Variants in CCNT2 observed in about 807,000 individuals in gnomAD.
CCNT2 encodes cyclin T2, also known as cyclin-T2.
CCNT2 carries 18 observed loss-of-function variants against 70.0 expected under a neutral mutation model. That is an observed-to-expected ratio of 0.26 (90% CI 0.18 to 0.38). The LOEUF (loss-of-function observed/expected upper bound fraction) is 0.38. Among genes scored for constraint, CCNT2 ranks in the 10% least tolerant of loss-of-function variants. The probability of loss-of-function intolerance (pLI) is 1.00; values close to 1 mark genes in which losing one functional copy is unlikely to be tolerated. For synonymous variants in CCNT2, 334 were observed against 313.3 expected, an observed-to-expected ratio of 1.07 and a Z score of -0.70; for missense variants, 734 against 890.2, an observed-to-expected ratio of 0.82 and a Z score of 2.23.
chr2:134,958,589 T>A lies in CCNT2; in HGVS notation c.*3941T>A, dbSNP rs1417753031. The A allele has an allele frequency of 6.6e-6, 1 of 152,254 alleles. No individual in the cohort carries two copies. Among genetic ancestry groups the A allele is most frequent in the African/African-American group, 2.4e-5 (1 of 41,470 alleles). 9.4% of individuals were successfully genotyped at this position (152,254 alleles called of 1,614,324 possible). A position where few individuals can be genotyped will look rare whatever the true frequency, so the allele number is the denominator to read the frequency against. On this transcript the variant is annotated 3_prime_UTR_variant, in exon 9 of 9. Coordinates refer to ENST00000264157, the MANE Select transcript of CCNT2 (RefSeq NM_058241.3). ...TGATACTAATTTGAGAATCACATTC[T>A]GATACGTTAATATCAGAAATCAGTG...
rs570939685 is a variant in CCNT2, at chr2:134,953,586, C to T, written c.1131C>T (p.Tyr377=). 6.2e-7 allele frequency: 1 copy of T among 1,614,038 alleles called. No individual in the cohort carries two copies. The highest frequency in any genetic ancestry group is 1.1e-5 in the South Asian group (1 of 91,082). Residue 377 remains tyrosine (Y), a synonymous_variant, in exon 9 of 9, where the codon TAC becomes TAT. Transcript: ENST00000264157. The part of the protein sequence containing the change: ...KQETSLSGSQ[Y]NINFQQGPSI... ...AGACATCTTTGTCTGGTAGCCAGTA[C>T]AACATCAACTTCCAGCAGGGACCTT... is the stretch of plus-strand genomic sequence containing the variant.
intron 2 of CCNT2, among the ~76,000 whole-genome samples, chr2:134,928,313 TTGTTG>T (rs1680459360): frequency 2.0e-5 from 3 of 146,938 alleles, no homozygotes; most frequent in Non-Finnish European, 4.5e-5. Context: ...AGTTTCATTC[TTGTTG>T]CCCAGGCTGG....
intron 1 of CCNT2, 107 bp downstream of exon 1, chr2:134,919,119 C>T: frequency 7.9e-7 from 1 of 1,265,936 alleles, no homozygotes; most frequent in Non-Finnish European, 1.1e-6. Context: ...CGCTGGGCCT[C>T]GGCGCCGCGG....
chr2:134,955,426 T>C lies in CCNT2; in HGVS notation c.*778T>C, dbSNP rs1682870839. On this transcript the variant is annotated 3_prime_UTR_variant, in exon 9 of 9. Coordinates refer to ENST00000264157, the MANE Select transcript of CCNT2 (RefSeq NM_058241.3). ...TGGCTGCTGAAATAGCCCCTAACTT[T>C]CTGAAGGCTTGAAGAGGAAAAAATA... 1 of 152,646 alleles carries C rather than the reference T, an allele frequency of 6.6e-6. No individual in the cohort carries two copies. The highest frequency in any genetic ancestry group is 1.5e-5 in the Non-Finnish European group (1 of 68,040). 9.5% of individuals were successfully genotyped at this position (152,646 alleles called of 1,614,324 possible).
intron 4 of CCNT2, among the ~76,000 whole-genome samples, chr2:134,939,399 T>C (rs1681398410): frequency 6.6e-6 from 1 of 152,146 alleles, no homozygotes; most frequent in African/African-American, 2.4e-5. Flanking sequence ...TACACAGCAA[T>C]CCTTATTCTC....
In CCNT2 at chr2:134,919,018, C is replaced by A; in HGVS notation, c.158+6C>A. Reference sequence around the variant, plus strand: ...ATGGGACAGCGTCTCAATGTGTATCCTTTTCTGTTCGCCGCCGCTCACGCC... The same window carrying A: ...ATGGGACAGCGTCTCAATGTGTATCATTTTCTGTTCGCCGCCGCTCACGCC... On this transcript the variant is annotated splice_donor_region_variant and intron_variant, in intron 1 of 8. Transcript: ENST00000264157. The A allele has an allele frequency of 6.3e-7, 1 of 1,594,154 alleles. No individual in the cohort carries two copies. The highest frequency in any genetic ancestry group is 8.6e-7 in the Non-Finnish European group (1 of 1,168,526).
rs1427252166 is a variant in CCNT2 at position 134,936,858 on chromosome 2, A to G, written c.258A>G (p.Ala86=). 6.2e-7 allele frequency: 1 copy of G among 1,613,388 alleles called. No individual in the cohort carries two copies. The change falls in exon 3 of 9, where the codon GCA becomes GCG. Residue 86 remains alanine, a synonymous_variant. Coordinates refer to ENST00000264157, the MANE Select transcript of CCNT2 (RefSeq NM_058241.3). ...KFNKNIISST[A]LFLAAKVEEQ... ...TTCTGCAGATAATATCGTCTACTGC[A>G]TTATTTTTGGCTGCAAAAGTGGAAG...
In CCNT2 at chr2:134,936,923, A is replaced by G. The variant is rs1573816581; in HGVS notation, c.323A>G (p.His108Arg). Residue 108 changes from histidine (H) to arginine (R), a missense_variant, in exon 3 of 9, where the codon CAT (histidine) becomes CGT (arginine). By Grantham distance (29) the His-to-Arg change is conservative. This residue lies in a region of CCNT2 where 161 missense variants were observed against 303.8 expected (regional missense o/e 0.53). Coordinates refer to ENST00000264157, the MANE Select transcript of CCNT2 (RefSeq NM_058241.3). ...CTTGAACATGTTATCAAAGTAGCAC[A>G]TGCTTGTCTTCATCCTCTAGAGCCA... ...RKLEHVIKVA[H>R]ACLHPLEPLL... 6.2e-7 allele frequency: 1 copy of G among 1,611,290 alleles called. No individual in the cohort carries two copies. The highest frequency in any genetic ancestry group is 1.7e-5 in the Admixed American group (1 of 59,986).
At chr2:134,943,107 T>C (rs879547987) in intron 5 of CCNT2, 7 of 985,036 alleles carry the variant, frequency 7.1e-6, no homozygotes, top group Non-Finnish European at 8.4e-6. Flanking sequence ...AAAATTGCCT[T>C]TGTTAAAAGA....
rs574276789 is a variant in CCNT2 at position 134,941,539 on chromosome 2, G to A, written c.431-1073G>A. Among the ~76,000 whole-genome samples the A allele has an allele frequency of 2.6e-5, 4 of 152,190 alleles. No individual in the cohort carries two copies. The East Asian group carries it at 5.8e-4, about 22-fold the overall frequency. On this transcript the variant is annotated intron_variant, in intron 4 of 8. Transcript: ENST00000264157. ...GGGGATCGGCACCCCTAGGCCCTGC[G>A]TTGTTCAGAGGTCAGCTGTAAATTA...
intron 4 of CCNT2, among the ~76,000 whole-genome samples, chr2:134,940,354 T>TAA (rs1681482982): frequency 3.3e-5 from 5 of 151,518 alleles, no homozygotes; most frequent in African/African-American, 9.7e-5. Context: ...CTAGAAATAT[T>TAA]GAAAAAATTG....
chr2:134,952,575 C>T, intron 7 of CCNT2, 66 bp from the exon 8 acceptor site: 1 of 902,036 alleles, frequency 1.1e-6, no homozygotes, highest in Non-Finnish European at 1.7e-6. Context: ...TTTAATACTG[C>T]CCACTTAAGA....
At chr2:134,949,807 G>GGT (rs1682317117) in intron 7 of CCNT2, among the ~76,000 whole-genome samples, 1 of 137,496 alleles carries the variant, frequency 7.3e-6, no homozygotes, top group Non-Finnish European at 1.6e-5. Context: ...TTTTTCGGGG[G>GGT]GGGGGTGGGG....
At chr2:134,921,771 A>G (rs934788302) in intron 2 of CCNT2, among the ~76,000 whole-genome samples, 1 of 152,230 alleles carries the variant, frequency 6.6e-6, no homozygotes, top group African/African-American at 2.4e-5. Context: ...TGTCATTTGC[A>G]TTCTAGCTTT....
Position 134,943,722 on chromosome 2 carries a change from A to G in CCNT2, c.493+1048A>G, listed in dbSNP as rs191814003. 3.0e-6 allele frequency: 3 copies of G among 985,156 alleles called. No individual in the cohort carries two copies. The African/African-American group carries it at 5.2e-5, about 17-fold the overall frequency. 61.0% of individuals were successfully genotyped at this position (985,156 alleles called of 1,614,324 possible). On this transcript the variant is annotated intron_variant, in intron 5 of 8. Coordinates refer to ENST00000264157, the MANE Select transcript of CCNT2 (RefSeq NM_058241.3). ...CTAGAAATATTTTTTACACAGTTGCATGTTGTTCTGCTTCTTACTTCCACT... is the reference window on the plus strand; with the variant it reads ...CTAGAAATATTTTTTACACAGTTGCGTGTTGTTCTGCTTCTTACTTCCACT...
At position 134,943,198 on chromosome 2, in the gene CCNT2, C is replaced by G. The variant is rs565129521; in HGVS notation, c.493+524C>G. The G allele has an allele frequency of 4.9e-6, 3 of 607,292 alleles. No homozygotes were observed. In the African/African-American group the frequency reaches 6.0e-5, roughly 12 times the overall value. 37.6% of individuals were successfully genotyped at this position (607,292 alleles called of 1,614,324 possible). The stretch of plus-strand genomic sequence containing the variant: ...GGCTGATCGCTTGAGCTCAGGAGTT[C>G]GAGACCAGCCTGGGCAACATGGTGA... On this transcript the variant is annotated intron_variant, in intron 5 of 8. Transcript: ENST00000264157.
chr2:134,948,647 C>T (rs943346175), intron 7 of CCNT2, among the ~76,000 whole-genome samples: 1 of 151,726 alleles, frequency 6.6e-6, no homozygotes, highest in African/African-American at 2.4e-5. Flanking sequence ...AGAAGCCGGC[C>T]AGAAATGGGA....
At position 134,954,473 on chromosome 2, in the gene CCNT2, C is replaced by T. The variant is rs780274947; in HGVS notation, c.2018C>T (p.Thr673Ile). ...CCCTTACCCCCTCCTCCCCCTGTCA[C>T]ATACCAGGTGGGCTACGGACATCTC... ...NHPLPPPPPV[T>I]YQVGYGHLST... Residue 673 changes from threonine to isoleucine, a missense_variant, in exon 9 of 9, where the codon ACA (threonine) becomes ATA (isoleucine). Physicochemically the swap from Thr to Ile is moderately conservative, Grantham distance 89. Around this residue, in one of 3 missense-constraint regions of CCNT2, gnomAD observed 532 missense variants for 556.9 expected, o/e 0.96. Coordinates refer to ENST00000264157, the MANE Select transcript of CCNT2 (RefSeq NM_058241.3). 1.9e-6 allele frequency: 3 copies of T among 1,614,074 alleles called. No individual in the cohort carries two copies. Among genetic ancestry groups the T allele is most frequent in the Non-Finnish European group, 2.5e-6 (3 of 1,180,030 alleles).
intron 2 of CCNT2, among the ~76,000 whole-genome samples, chr2:134,934,624 A>G (rs1681019577): frequency 1.3e-5 from 2 of 152,342 alleles, no homozygotes; most frequent in South Asian, 4.1e-4. Context: ...TTTTGTTTTT[A>G]CAGCCTTGAT....
Sources: gnomAD v4.1 joint callset for allele counts (sites outside exome capture counted in the v4.1 genomes callset) on GRCh38, gnomAD v4.1.1 for gene constraint, gnomAD v4.1.1 regional missense constraint, MANE v1.5 for transcripts, NCBI Gene and HGNC (gene_info 2026-07-23, HGNC 2026-07-21) for gene names.